PEBP4: variants seen among roughly 807,000 people sequenced by gnomAD.
The protein encoded by PEBP4 is phosphatidylethanolamine-binding protein 4.
Under a neutral mutation model 23.9 loss-of-function variants are expected in PEBP4, and 22 were observed. The ratio of observed to expected loss-of-function variants is 0.92; its 90% CI spans 0.66 to 1.31. The LOEUF is 1.31. Ranked by LOEUF, PEBP4 falls within the 40% of genes most tolerant of loss-of-function variation. PEBP4 has a pLI of 0.00. For synonymous variants in PEBP4, 112 were observed against 99.3 expected (o/e 1.13, Z -0.76); for missense variants, 324 against 281.7 (o/e 1.15, Z -1.07).
intron 3 of PEBP4, among the ~76,000 whole-genome samples, chr8:22,828,965 C>T (rs527617038): frequency 1.1e-4 from 16 of 152,294 alleles, no homozygotes; most frequent in South Asian, 1.0e-3. Flanking sequence ...TAACCCCCCT[C>T]TCTCCAGCTT....
intron 3 of PEBP4, among the ~76,000 whole-genome samples, chr8:22,823,143 A>G (rs1314184000): frequency 6.6e-6 from 1 of 152,014 alleles, no homozygotes; most frequent in Non-Finnish European, 1.5e-5. Flanking sequence ...ATCCAGAGAG[A>G]AAGTTGAGTT....
intron 3 of PEBP4, among the ~76,000 whole-genome samples, chr8:22,915,829 A>C (rs1017772331): frequency 4.6e-5 from 7 of 152,188 alleles, no homozygotes; most frequent in East Asian, 3.8e-4. Flanking sequence ...TTGTGACTGC[A>C]GCAGCCTGTA....
At chr8:22,746,434 G>A (rs4872543) in intron 4 of PEBP4, among the ~76,000 whole-genome samples, 23,371 of 152,066 alleles carry the variant, frequency 0.15, 2,365 homozygotes, top group Middle Eastern at 0.23. Context: ...TGGAGGGTGC[G>A]GTGGGGAGAG....
chr8:22,840,869 G>A (rs1807312770), intron 3 of PEBP4, among the ~76,000 whole-genome samples: 1 of 152,130 alleles, frequency 6.6e-6, no homozygotes, highest in South Asian at 2.1e-4. Flanking sequence ...TGCATGCTGA[G>A]TGCATGAACA....
intron 2 of PEBP4, among the ~76,000 whole-genome samples, chr8:22,923,145 G>C (rs951659448): frequency 2.6e-5 from 4 of 152,208 alleles, no homozygotes; most frequent in African/African-American, 9.7e-5. Flanking sequence ...GTGTACAACA[G>C]AGAACTAGTA....
chr8:22,918,815 G>T (rs1809134062), intron 3 of PEBP4, among the ~76,000 whole-genome samples: 1 of 152,202 alleles, frequency 6.6e-6, no homozygotes, highest in African/African-American at 2.4e-5. Context: ...GTTAGAATCA[G>T]CAGGCTTCCT....
At chr8:22,754,202 C>T (rs368028037) in intron 4 of PEBP4, among the ~76,000 whole-genome samples, 7 of 152,288 alleles carry the variant, frequency 4.6e-5, no homozygotes, top group South Asian at 2.1e-4. Flanking sequence ...GACCCCTGGC[C>T]GCCCCACCCA....
At chr8:22,715,870 G>C (rs1804406410) in intron 6 of PEBP4, among the ~76,000 whole-genome samples, 1 of 152,206 alleles carries the variant, frequency 6.6e-6, no homozygotes, top group Non-Finnish European at 1.5e-5. Flanking sequence ...GGTGTGTGGG[G>C]AGAGCTGGAG....
At chr8:22,806,678 T>C (rs1417553234) in intron 4 of PEBP4, among the ~76,000 whole-genome samples, 1 of 151,416 alleles carries the variant, frequency 6.6e-6, no homozygotes, top group African/African-American at 2.4e-5. Context: ...TTGCAGCATG[T>C]CACCAGGGAC....
intron 4 of PEBP4, among the ~76,000 whole-genome samples, chr8:22,732,417 T>C: frequency 6.6e-6 from 1 of 151,844 alleles, no homozygotes; most frequent in Non-Finnish European, 1.5e-5. Flanking sequence ...GGTGGGGGCG[T>C]GGGGAGGGAG....
chr8:22,921,245 T>C (rs1809193189), intron 2 of PEBP4, among the ~76,000 whole-genome samples: 1 of 152,218 alleles, frequency 6.6e-6, no homozygotes. Flanking sequence ...TTAACGAGGG[T>C]TAAGACATCA....
chr8:22,917,105 T>C (rs1322204271), intron 3 of PEBP4, among the ~76,000 whole-genome samples: 1 of 141,304 alleles, frequency 7.1e-6, no homozygotes, highest in Non-Finnish European at 1.5e-5. Flanking sequence ...TTCCAGGGCT[T>C]TGGAGTTTGC....
chr8:22,914,223 C>A (rs1447157513), intron 3 of PEBP4, among the ~76,000 whole-genome samples: 1 of 152,018 alleles, frequency 6.6e-6, no homozygotes, highest in African/African-American at 2.4e-5. Flanking sequence ...TTCAAGTGAT[C>A]TGCCCACCTC....
chr8:22,735,392 T>G (rs1804838830), intron 4 of PEBP4, among the ~76,000 whole-genome samples: 1 of 152,154 alleles, frequency 6.6e-6, no homozygotes, highest in South Asian at 2.1e-4. Flanking sequence ...AGGAGATTTC[T>G]CTTAGGTTGA....
intron 4 of PEBP4, among the ~76,000 whole-genome samples, chr8:22,810,835 G>A (rs963390409): frequency 1.9e-4 from 28 of 150,082 alleles, no homozygotes; most frequent in African/African-American, 6.2e-4. Context: ...ATAAAAATAA[G>A]TTAACAGTGG....
chr8:22,742,953 G>T (rs763977622), intron 4 of PEBP4, among the ~76,000 whole-genome samples: 5 of 152,216 alleles, frequency 3.3e-5, no homozygotes, highest in African/African-American at 1.2e-4. Flanking sequence ...AAGAGGAAGC[G>T]CAGAGAGCCT....
chr8:22,910,610 C>T (rs1808917946), intron 3 of PEBP4, among the ~76,000 whole-genome samples: 1 of 152,204 alleles, frequency 6.6e-6, no homozygotes, highest in Admixed American at 6.5e-5. Flanking sequence ...AATGGCTTGG[C>T]AACGATGGAC....
chr8:22,746,046 G>A (rs1250819240), intron 4 of PEBP4, among the ~76,000 whole-genome samples: 1 of 152,196 alleles, frequency 6.6e-6, no homozygotes, highest in Non-Finnish European at 1.5e-5. Flanking sequence ...TTGAACCAAA[G>A]CATTGTCCCC....
intron 4 of PEBP4, among the ~76,000 whole-genome samples, chr8:22,747,232 T>C (rs1375020441): frequency 1.3e-5 from 2 of 152,274 alleles, no homozygotes; most frequent in East Asian, 3.8e-4. Context: ...ACTACCATAG[T>C]GGACATCAGA....
Sources: gnomAD v4.1 joint callset for allele counts (sites outside exome capture counted in the v4.1 genomes callset) on GRCh38, gnomAD v4.1.1 for gene constraint, MANE v1.5 for transcripts, NCBI Gene and HGNC (gene_info 2026-07-23, HGNC 2026-07-21) for gene names.